TCOF1: variants seen among roughly 807,000 people sequenced by gnomAD.
TCOF1 encodes treacle protein.
In TCOF1, 33 loss-of-function variants were observed where a neutral mutation model predicts 149.0. The ratio of observed to expected loss-of-function variants is 0.22; its 90% CI spans 0.17 to 0.30. TCOF1 has a LOEUF of 0.30. Ranked by LOEUF, TCOF1 falls within the 10% of genes least tolerant of loss-of-function variation. The probability of loss-of-function intolerance (pLI) is 1.00; values close to 1 mark genes in which losing one functional copy is unlikely to be tolerated. For missense variants in TCOF1, 1,728 were observed against 1,840.7 expected, an observed-to-expected ratio of 0.94 and a Z score of 1.12; for synonymous variants, 789 against 738.8, an observed-to-expected ratio of 1.07 and a Z score of -1.10.
chr5:150,390,107 G>A lies in TCOF1; in HGVS notation c.3183+84G>A, dbSNP rs1417743931. 8.4e-5 allele frequency: 130 copies of A among 1,540,860 alleles called. 2 individuals carry two copies. In the East Asian group the frequency reaches 3.2e-3, roughly 38 times the overall value. ...CTTACCCACATGTGCTGATGGGATG[G>A]CCTGCAATTGCTGTCACGCCCACAC... On this transcript the variant is annotated intron_variant, in intron 19 of 26. Transcript: ENST00000643257.
intron 17 of TCOF1, chr5:150,380,371 A>C (rs200133069): frequency 6.3e-6 from 1 of 159,224 alleles, no homozygotes; most frequent in Non-Finnish European, 1.4e-5. Flanking sequence ...GTTATTGTGC[A>C]TACGTTAACG....
Position 150,379,686 on chromosome 5 carries a change from A to T in TCOF1, c.2813A>T (p.Glu938Val), listed in dbSNP as rs768789804. 6 of 1,614,100 alleles carry T rather than the reference A, an allele frequency of 3.7e-6. No homozygotes were observed. Among genetic ancestry groups the T allele is most frequent in the Non-Finnish European group, 5.1e-6 (6 of 1,180,054 alleles). The change falls in exon 17 of 27, where the codon GAA (glutamate) becomes GTA (valine). Residue 938 changes from glutamate to valine, a missense_variant. By Grantham distance (121) the Glu-to-Val change is moderately radical (BLOSUM62 -2). Coordinates refer to ENST00000643257, the MANE Select transcript of TCOF1 (RefSeq NM_001371623.1). Reference sequence around the variant, plus strand: ...GATGACTCAGGGAGCAGCAGCGAGGAATCAGACAGTGATGGGGAGGCACCG... The same window carrying T: ...GATGACTCAGGGAGCAGCAGCGAGGTATCAGACAGTGATGGGGAGGCACCG... ...KQDDSGSSSE[E>V]SDSDGEAPAA...
chr5:150,387,534 G>T (rs1864957), intron 17 of TCOF1, among the ~76,000 whole-genome samples: 56,668 of 151,960 alleles, frequency 0.37, 11,241 homozygotes, highest in Middle Eastern at 0.5. Context: ...GAAGCCAGCC[G>T]GGGAAAGAAG....
At chr5:150,368,579 T>C in intron 4 of TCOF1, 137 bp from the exon 5 acceptor site, 1 of 962,912 alleles carries the variant, frequency 1.0e-6, no homozygotes. Flanking sequence ...CTTTAAAGAT[T>C]GGGAAACAGA....
chr5:150,386,785 G>A (rs377365403), intron 17 of TCOF1, among the ~76,000 whole-genome samples: 2 of 152,226 alleles, frequency 1.3e-5, no homozygotes, highest in Non-Finnish European at 2.9e-5. Flanking sequence ...GTGTGTTCTC[G>A]TTAGCTGGAG....
intron 3 of TCOF1, among the ~76,000 whole-genome samples, chr5:150,366,876 G>C (rs1374071497): frequency 4.8e-5 from 1 of 21,052 alleles, no homozygotes; most frequent in Admixed American, 2.8e-4. Flanking sequence ...GGATGGTCTC[G>C]ATCTCCTGAC....
At position 150,386,869 on chromosome 5, in the gene TCOF1, C is replaced by T. The variant is rs148770541; in HGVS notation, c.2860-1033C>T. ...GTTCAGGGATGGTGCAGTTCAAAAC[C>T]AGACTGGCCTGCAGAATACCAGGGA... On this transcript the variant is annotated intron_variant, in intron 17 of 26. Transcript: ENST00000643257. Among the ~76,000 whole-genome samples, 749 of 152,358 alleles carry T rather than the reference C, an allele frequency of 4.9e-3. 5 individuals are homozygous for T. The highest frequency in any genetic ancestry group is 0.017 in the African/African-American group (706 of 41,580).
Position 150,374,301 on chromosome 5 carries a change from G to A in TCOF1, c.998G>A (p.Gly333Glu), listed in dbSNP as rs1401420972. 1 of 1,587,966 alleles carries A rather than the reference G, an allele frequency of 6.3e-7. No individual in the cohort carries two copies. Among genetic ancestry groups the A allele is most frequent in the Non-Finnish European group, 8.6e-7 (1 of 1,166,238 alleles). ...AGAVASQTKA[G>E]KPEEDSESSS... ...GCTGTAGCCTCCCAGACCAAGGCAG[G>A]GAAGCCAGAGGAGGACTCAGAGAGC... The change falls in exon 8 of 27, where the codon GGG (glycine) becomes GAG (glutamate). Residue 333 changes from glycine to glutamate, a missense_variant. This residue lies in a region of TCOF1 where 1,696 missense variants were observed against 1,765.4 expected (regional missense o/e 0.96). Transcript: ENST00000643257.
At chr5:150,367,982 T>C (rs1363657311) in intron 4 of TCOF1, 65 bp downstream of exon 4, 2 of 1,568,170 alleles carry the variant, frequency 1.3e-6, no homozygotes, top group Admixed American at 1.7e-5. Context: ...GGGACAGTCT[T>C]ACATGTCAGA....
At chr5:150,382,992 A>G in intron 17 of TCOF1, 1 of 1,263,684 alleles carries the variant, frequency 7.9e-7, no homozygotes, top group Non-Finnish European at 1.1e-6. Context: ...GTCATTGCCT[A>G]CTGGCTGTTT....
At chr5:150,394,911 T>A in intron 23 of TCOF1, 1 of 114,888 alleles carries the variant, frequency 8.7e-6, no homozygotes, top group East Asian at 2.5e-4. Context: ...AGCAAAACTC[T>A]GTCTCAAAAA....
intron 3 of TCOF1, among the ~76,000 whole-genome samples, chr5:150,366,466 G>A (rs960214383): frequency 1.3e-5 from 2 of 152,206 alleles, no homozygotes; most frequent in East Asian, 3.9e-4. Flanking sequence ...GGAAGGGTGA[G>A]TGAGATAATA....
chr5:150,365,968 A>G (rs1448997317), intron 3 of TCOF1, among the ~76,000 whole-genome samples: 1 of 151,920 alleles, frequency 6.6e-6, no homozygotes, highest in African/African-American at 2.4e-5. Context: ...AAAAAATTTA[A>G]AATTTAGCCA....
At chr5:150,370,012 A>C (rs1489526752) in intron 6 of TCOF1, among the ~76,000 whole-genome samples, 1 of 152,106 alleles carries the variant, frequency 6.6e-6, no homozygotes, top group Non-Finnish European at 1.5e-5. Flanking sequence ...GCGGCTGCTG[A>C]GAGGGTTCTG....
intron 7 of TCOF1, among the ~76,000 whole-genome samples, chr5:150,373,022 T>C (rs1762883586): frequency 6.6e-6 from 1 of 152,154 alleles, no homozygotes; most frequent in African/African-American, 2.4e-5. Context: ...GGCTGTCTAT[T>C]TTGCAGTGTC....
chr5:150,368,053 TTGTG>T, intron 4 of TCOF1, 136 bp downstream of exon 4: 1 of 911,286 alleles, frequency 1.1e-6, no homozygotes, highest in South Asian at 1.5e-5. Context: ...GTGTCACCAG[TTGTG>T]GGATCTTAGT....
rs757495020 is a variant in TCOF1 at position 150,396,514 on chromosome 5, C to T, written c.4017C>T (p.Ser1339=). 5 of 1,611,054 alleles carry T rather than the reference C, an allele frequency of 3.1e-6. No homozygotes were observed. The highest frequency in any genetic ancestry group is 4.2e-6 in the Non-Finnish European group (5 of 1,178,798). ...KKVVDTTKES[S]RKGWESRKRK... is the part of the protein sequence containing the mutation. ...TGGTGGACACCACCAAGGAGAGCAGCAGGAAGGGCTGGGAGAGCCGCAAGC... is the reference window on the plus strand; with the variant it reads ...TGGTGGACACCACCAAGGAGAGCAGTAGGAAGGGCTGGGAGAGCCGCAAGC... Residue 1339 remains serine, a synonymous_variant, in exon 24 of 27, where the codon AGC becomes AGT. Coordinates refer to ENST00000643257, the MANE Select transcript of TCOF1 (RefSeq NM_001371623.1).
intron 2 of TCOF1, 116 bp downstream of exon 2, chr5:150,361,327 C>T: frequency 8.1e-7 from 1 of 1,235,898 alleles, no homozygotes; most frequent in Non-Finnish European, 1.2e-6. Flanking sequence ...ACTGTGGACA[C>T]CATTGTTGCC....
intron 17 of TCOF1, chr5:150,383,239 G>A (rs1765607909): frequency 7.3e-7 from 1 of 1,362,406 alleles, no homozygotes. Flanking sequence ...TTGCAGGAGA[G>A]GGCAGATCTT....
Sources: gnomAD v4.1 joint callset for allele counts (sites outside exome capture counted in the v4.1 genomes callset) on GRCh38, gnomAD v4.1.1 for gene constraint, gnomAD v4.1.1 regional missense constraint, MANE v1.5 for transcripts, NCBI Gene and HGNC (gene_info 2026-07-23, HGNC 2026-07-21) for gene names.